HDAC9: variants seen among roughly 807,000 people sequenced by gnomAD.
HDAC9 encodes the protein MEF-2 interacting transcription repressor (MITR) protein.
HDAC9 carries 41 observed loss-of-function variants against 139.4 expected under a neutral mutation model. The observed-to-expected ratio is 0.29, with a 90% confidence interval of 0.23 to 0.38. The LOEUF is 0.38. Among genes scored for constraint, HDAC9 ranks in the 10% least tolerant of loss-of-function variants. The probability of loss-of-function intolerance (pLI) is 1.00; values close to 1 mark genes in which losing one functional copy is unlikely to be tolerated. For synonymous variants in HDAC9, 517 were observed against 476.2 expected, an observed-to-expected ratio of 1.09 and a Z score of -1.12; for missense variants, 1,147 against 1,297.0, an observed-to-expected ratio of 0.88 and a Z score of 1.78.
chr7:18,228,348 C>G (rs1330302124), intron 2 of HDAC9, among the ~76,000 whole-genome samples: 1 of 150,232 alleles, frequency 6.7e-6, no homozygotes, highest in South Asian at 2.1e-4. Context: ...GTATAAAACT[C>G]AATTTTTCTG....
upstream of HDAC9, among the ~76,000 whole-genome samples, chr7:18,491,862 C>A (rs1166680721): frequency 6.6e-6 from 1 of 151,830 alleles, no homozygotes; most frequent in East Asian, 1.9e-4. Flanking sequence ...TTCACCTAAT[C>A]CACTCAAACT....
intron 15 of HDAC9, among the ~76,000 whole-genome samples, chr7:18,764,892 C>T (rs913132350): frequency 8.6e-5 from 13 of 150,626 alleles, no homozygotes; most frequent in African/African-American, 2.4e-5. Flanking sequence ...ACCTGTCAGT[C>T]TTTGTATCTT....
At chr7:18,797,581 A>C (rs1792912227) in intron 17 of HDAC9, among the ~76,000 whole-genome samples, 1 of 152,148 alleles carries the variant, frequency 6.6e-6, no homozygotes, top group East Asian at 1.9e-4. Context: ...TAATCCCAGC[A>C]CTTTGGGAGG....
intron 22 of HDAC9, among the ~76,000 whole-genome samples, chr7:18,928,634 T>C (rs1286594584): frequency 6.6e-6 from 1 of 152,202 alleles, no homozygotes; most frequent in Non-Finnish European, 1.5e-5. Context: ...TTTTAAATGA[T>C]ATTGTAGAGA....
chr7:18,806,844 G>A (rs1246984261), intron 17 of HDAC9, among the ~76,000 whole-genome samples: 1 of 152,162 alleles, frequency 6.6e-6, no homozygotes, highest in East Asian at 1.9e-4. Context: ...TTATCATAAT[G>A]TGCTTTCAAT....
intron 25 of HDAC9, among the ~76,000 whole-genome samples, chr7:18,986,687 T>A (rs143395538): frequency 0.16 from 24,524 of 152,178 alleles, 2,774 homozygotes; most frequent in East Asian, 0.52. Flanking sequence ...AGAAGATTGA[T>A]TCTTCCTACC....
intron 2 of HDAC9, among the ~76,000 whole-genome samples, chr7:18,522,825 T>C (rs1339278005): frequency 6.6e-6 from 1 of 152,160 alleles, no homozygotes; most frequent in Non-Finnish European, 1.5e-5. Context: ...GAATCCTCTT[T>C]GTAGGTGGTA....
At chr7:18,587,942 C>A (rs1829915375) in intron 3 of HDAC9, among the ~76,000 whole-genome samples, 1 of 152,078 alleles carries the variant, frequency 6.6e-6, no homozygotes, top group Non-Finnish European at 1.5e-5. Flanking sequence ...TTAATTTGAC[C>A]AACCCAAGTA....
intron 24 of HDAC9, 137 bp downstream of exon 24, chr7:18,954,367 T>C (rs898020524): frequency 1.0e-5 from 7 of 684,768 alleles, no homozygotes; most frequent in African/African-American, 3.7e-5. Context: ...TATCTTAATG[T>C]GTTGCTCTTA....
chr7:18,737,106 C>G (rs910879678), intron 13 of HDAC9, among the ~76,000 whole-genome samples: 1 of 151,926 alleles, frequency 6.6e-6, no homozygotes, highest in Non-Finnish European at 1.5e-5. Flanking sequence ...TTTATTGCGT[C>G]TATTTGATTC....
intron 6 of HDAC9, among the ~76,000 whole-genome samples, chr7:18,616,821 G>T (rs993585632): frequency 2.0e-4 from 30 of 152,184 alleles, no homozygotes; most frequent in African/African-American, 7.2e-4. Context: ...TGGTGCTGCT[G>T]ATCCATGGTA....
chr7:18,321,552 G>A (rs16872006), intron 1 of HDAC9, among the ~76,000 whole-genome samples: 30,034 of 142,064 alleles, frequency 0.21, 3,025 homozygotes, highest in Admixed American at 0.23. Flanking sequence ...TGGAATTACA[G>A]GAATAAGAAA....
intron 2 of HDAC9, among the ~76,000 whole-genome samples, chr7:18,245,417 TCTC>T (rs1794460665): frequency 6.6e-6 from 1 of 152,132 alleles, no homozygotes; most frequent in South Asian, 2.1e-4. Flanking sequence ...GACCTCCTCT[TCTC>T]CTCCATCTTC....
At position 18,911,136 on chromosome 7, in the gene HDAC9, G is replaced by C. The variant is rs375950558; in HGVS notation, c.2804-24673G>C. On this transcript the variant is annotated intron_variant, in intron 22 of 25. Coordinates refer to ENST00000686413, the MANE Select transcript of HDAC9 (RefSeq NM_178425.4). Reference sequence around the variant, plus strand: ...TGATTCTATCTTGTTATTTGTTATTGGTCTGTTCAGGCTTTTTTTTTTTTT... The same window carrying C: ...TGATTCTATCTTGTTATTTGTTATTCGTCTGTTCAGGCTTTTTTTTTTTTT... Among the ~76,000 whole-genome samples the C allele has an allele frequency of 2.7e-5, 4 of 147,172 alleles. No homozygotes were observed. In the East Asian group the frequency reaches 5.9e-4, roughly 22 times the overall value.
At chr7:18,333,900 A>G (rs2128651166) in intron 1 of HDAC9, among the ~76,000 whole-genome samples, 1 of 151,468 alleles carries the variant, frequency 6.6e-6, no homozygotes, top group South Asian at 2.1e-4. Context: ...TTATTTTAAA[A>G]ATGAGTAAAG....
At chr7:18,200,309 T>C (rs1488125309) in intron 2 of HDAC9, among the ~76,000 whole-genome samples, 1 of 152,242 alleles carries the variant, frequency 6.6e-6, no homozygotes, top group Non-Finnish European at 1.5e-5. Context: ...TAAATTTCCA[T>C]GCATAATTCC....
At position 18,732,931 on chromosome 7, in the gene HDAC9, A is replaced by G. The variant is rs540671238; in HGVS notation, c.1909+5174A>G. 1.8e-3 allele frequency among the ~76,000 whole-genome samples: 136 copies of G among 74,754 alleles called. 23 individuals carry two copies. Among genetic ancestry groups the G allele is most frequent in the East Asian group, 0.011 (21 of 1,984 alleles). 49.0% of individuals were successfully genotyped at this position (74,754 alleles called of 152,430 possible). The stretch of plus-strand genomic sequence containing the variant: ...TGCGTATGTGTATACACACGTGTGT[A>G]TGTATGTGTATACACACGTGTATGT... On this transcript the variant is annotated intron_variant, in intron 13 of 25. Coordinates refer to ENST00000686413, the MANE Select transcript of HDAC9 (RefSeq NM_178425.4).
rs190558573 is a variant in HDAC9 at position 18,856,414 on chromosome 7, G to A, written c.2685-18064G>A. Among the ~76,000 whole-genome samples, 851 of 152,194 alleles carry A rather than the reference G, an allele frequency of 5.6e-3. 14 individuals are homozygous for A. Among genetic ancestry groups the A allele is most frequent in the South Asian group, 0.051 (246 of 4,820 alleles). On this transcript the variant is annotated intron_variant, in intron 21 of 25. Coordinates refer to ENST00000686413, the MANE Select transcript of HDAC9 (RefSeq NM_178425.4). ...TTTTGGTCACTATAATGAACAGAGGGAGTTGAACACATGGTTATCTCTCCA... is the reference window on the plus strand; with the variant it reads ...TTTTGGTCACTATAATGAACAGAGGAAGTTGAACACATGGTTATCTCTCCA...
At chr7:18,297,439 A>G (rs1251706131) in intron 1 of HDAC9, among the ~76,000 whole-genome samples, 1 of 152,082 alleles carries the variant, frequency 6.6e-6, no homozygotes, top group Non-Finnish European at 1.5e-5. Context: ...CATTTCTCAG[A>G]TAGCTGTTGA....
Sources: gnomAD v4.1 joint callset for allele counts (sites outside exome capture counted in the v4.1 genomes callset) on GRCh38, gnomAD v4.1.1 for gene constraint, MANE v1.5 for transcripts, NCBI Gene and HGNC (gene_info 2026-07-23, HGNC 2026-07-21) for gene names.